The following MINDY4 variants were observed in gnomAD, a reference collection of about 807,000 sequenced individuals.
The protein encoded by MINDY4 is probable ubiquitin carboxyl-terminal hydrolase MINDY-4.
A neutral mutation model predicts 87.0 loss-of-function variants in MINDY4; 68 were observed. That is an observed-to-expected ratio of 0.78 (90% CI 0.64 to 0.96). The LOEUF (loss-of-function observed/expected upper bound fraction) is 0.96. MINDY4 is among the 40% of genes least tolerant of loss of function. The pLI is 0.00. For synonymous variants in MINDY4, 379 were observed against 363.2 expected (o/e 1.04, Z -0.50); for missense variants, 919 against 928.2 (o/e 0.99, Z 0.13).
intron 1 of MINDY4, among the ~76,000 whole-genome samples, chr7:30,775,919 C>T (rs73087704): frequency 0.039 from 5,884 of 152,272 alleles, 213 homozygotes; most frequent in East Asian, 0.17. Context: ...GGGCCCAAAA[C>T]TTTGGAATTA....
At chr7:30,819,618 C>G (rs569042471) in intron 5 of MINDY4, among the ~76,000 whole-genome samples, 9 of 152,036 alleles carry the variant, frequency 5.9e-5, no homozygotes, top group East Asian at 3.9e-4. Context: ...AGTTTCTCCT[C>G]GTAGTTCTGT....
intron 13 of MINDY4, among the ~76,000 whole-genome samples, chr7:30,872,024 A>G (rs1790120940): frequency 6.6e-6 from 1 of 151,734 alleles, no homozygotes; most frequent in African/African-American, 2.4e-5. Context: ...TTGCCCAGAG[A>G]ATGCAGTGAG....
intron 17 of MINDY4, among the ~76,000 whole-genome samples, chr7:30,886,264 C>T (rs967962485): frequency 3.9e-5 from 6 of 152,198 alleles, no homozygotes; most frequent in African/African-American, 1.4e-4. Flanking sequence ...CCTCATAGAA[C>T]CCCTGGGCTG....
intron 9 of MINDY4, among the ~76,000 whole-genome samples, chr7:30,848,946 A>G (rs1477043995): frequency 6.6e-6 from 1 of 152,228 alleles, no homozygotes; most frequent in Non-Finnish European, 1.5e-5. Context: ...AATAGTCACC[A>G]CGTGCCAGCC....
intron 9 of MINDY4, among the ~76,000 whole-genome samples, chr7:30,842,985 A>G (rs1178240213): frequency 6.6e-6 from 1 of 151,896 alleles, no homozygotes; most frequent in African/African-American, 2.4e-5. Flanking sequence ...TAATAACTCC[A>G]CTGCCAGCTG....
At chr7:30,888,809 G>A (rs1790709297) in intron 17 of MINDY4, among the ~76,000 whole-genome samples, 1 of 152,208 alleles carries the variant, frequency 6.6e-6, no homozygotes, top group African/African-American at 2.4e-5. Context: ...TTGGCTGGAT[G>A]GAGCGGGTTG....
chr7:30,887,004 A>C (rs1160295445), intron 17 of MINDY4, among the ~76,000 whole-genome samples: 1 of 152,168 alleles, frequency 6.6e-6, no homozygotes, highest in African/African-American at 2.4e-5. Flanking sequence ...AGAGGAAAGA[A>C]CTCATAACCG....
chr7:30,782,116 C>A lies in MINDY4; in HGVS notation c.323C>A (p.Pro108Gln). ...GTTCCAAAGAAAAATAACAAAGTGCCATCAAGATGCTCAGAGACTACACTG... is the reference window on the plus strand; with the variant it reads ...GTTCCAAAGAAAAATAACAAAGTGCAATCAAGATGCTCAGAGACTACACTG... Reference protein sequence around the residue: ...LSVPKKNNKVPSRCSETTLVN... With the variant: ...LSVPKKNNKVQSRCSETTLVN... Residue 108 changes from proline (P) to glutamine (Q), a missense_variant, in exon 3 of 18, where the codon CCA (proline) becomes CAA (glutamine). Pro to Gln is a moderately conservative substitution (Grantham distance 76). Coordinates refer to ENST00000265299, the MANE Select transcript of MINDY4 (RefSeq NM_032222.3). The A allele has an allele frequency of 6.2e-7, 1 of 1,613,946 alleles. No individual in the cohort carries two copies. The highest frequency in any genetic ancestry group is 8.5e-7 in the Non-Finnish European group (1 of 1,179,962).
chr7:30,832,694 G>C (rs1788741552), intron 6 of MINDY4, among the ~76,000 whole-genome samples: 1 of 152,150 alleles, frequency 6.6e-6, no homozygotes, highest in South Asian at 2.1e-4. Flanking sequence ...ATTTTTAGTA[G>C]AGATGGGGTT....
chr7:30,852,771 T>C (rs1789452887), intron 11 of MINDY4, among the ~76,000 whole-genome samples: 1 of 152,218 alleles, frequency 6.6e-6, no homozygotes, highest in African/African-American at 2.4e-5. Flanking sequence ...TTGTAAAATA[T>C]AAGAGCAGTG....
intron 5 of MINDY4, among the ~76,000 whole-genome samples, chr7:30,822,827 A>G (rs1788383113): frequency 6.7e-6 from 1 of 149,874 alleles, no homozygotes; most frequent in South Asian, 2.1e-4. Context: ...TTTTTTTTGC[A>G]GGGATGGGGT....
chr7:30,883,534 C>G (rs897322424), intron 17 of MINDY4, among the ~76,000 whole-genome samples: 5 of 152,184 alleles, frequency 3.3e-5, no homozygotes, highest in African/African-American at 1.2e-4. Flanking sequence ...CTCCTCTGAC[C>G]CAGCCCCTCT....
chr7:30,828,642 A>C, intron 5 of MINDY4, 37 bp from the exon 6 acceptor site: 1 of 1,602,096 alleles, frequency 6.2e-7, no homozygotes, highest in Non-Finnish European at 8.6e-7. Flanking sequence ...TTTCTCTGTC[A>C]GTCTCCTCTG....
chr7:30,882,273 C>A lies in MINDY4; in HGVS notation c.2064C>A (p.Leu688=). 6.2e-7 allele frequency: 1 copy of A among 1,614,004 alleles called. No homozygotes were observed. Among genetic ancestry groups the A allele is most frequent in the Middle Eastern group, 1.7e-4 (1 of 6,056 alleles). Residue 688 remains leucine (L), a synonymous_variant, in exon 16 of 18, where the codon CTC becomes CTA. Transcript: ENST00000265299. ...TCCTCTTTAGCCTGCAGCCGGGGCT[C>A]CTGCGTGACTGGAGGACTGAGAGGC... ...FSILFSLQPG[L]LRDWRTERLF...
Position 30,882,929 on chromosome 7 carries a change from C to G in MINDY4, c.2161C>G (p.Gln721Glu), listed in dbSNP as rs371313572. The G allele has an allele frequency of 1.2e-5, 20 of 1,613,852 alleles. No homozygotes were observed. Among genetic ancestry groups the G allele is most frequent in the African/African-American group, 2.7e-5 (2 of 74,894 alleles). Residue 721 changes from glutamine (Q) to glutamate (E), a missense_variant, in exon 17 of 18, where the codon CAA (glutamine) becomes GAA (glutamate). Gln to Glu is a conservative substitution (Grantham distance 29). Transcript: ENST00000265299. ...TCTCTCCTCCTTCCCAGACACCACC[C>G]AAACCATCTCTGAGGACACAGACAA... ...EQIRLTIDTTQTISEDTDNDL... is the reference protein window; with the variant it reads ...EQIRLTIDTTETISEDTDNDL...
intron 5 of MINDY4, among the ~76,000 whole-genome samples, chr7:30,797,794 A>C (rs1787535624): frequency 6.6e-6 from 1 of 152,188 alleles, no homozygotes. Flanking sequence ...GTGTGGAGGC[A>C]GGGAGACCAG....
At chr7:30,828,879 ACTACT>A in intron 6 of MINDY4, 142 bp downstream of exon 6, 1 of 694,316 alleles carries the variant, frequency 1.4e-6, no homozygotes, top group Non-Finnish European at 2.5e-6. Context: ...AGTAGAGTAG[ACTACT>A]CTCTCTCTGA....
At chr7:30,885,342 A>G (rs780623137) in intron 17 of MINDY4, among the ~76,000 whole-genome samples, 31 of 152,082 alleles carry the variant, frequency 2.0e-4, no homozygotes, top group Non-Finnish European at 4.1e-4. Flanking sequence ...CAACATGGAG[A>G]CACCCCATCT....
chr7:30,821,817 G>A (rs1296933091), intron 5 of MINDY4, among the ~76,000 whole-genome samples: 1 of 152,116 alleles, frequency 6.6e-6, no homozygotes, highest in Non-Finnish European at 1.5e-5. Flanking sequence ...AGTAGTTAAT[G>A]ATGTCTTCAC....
Sources: gnomAD v4.1 joint callset for allele counts (sites outside exome capture counted in the v4.1 genomes callset) on GRCh38, gnomAD v4.1.1 for gene constraint, MANE v1.5 for transcripts, NCBI Gene and HGNC (gene_info 2026-07-23, HGNC 2026-07-21) for gene names.